The following PRH1 variants were observed in gnomAD, a reference collection of about 807,000 sequenced individuals.
PRH1 encodes the protein salivary acidic proline-rich phosphoprotein 1/2.
Under a neutral mutation model 7.9 loss-of-function variants are expected in PRH1, and 7 were observed. That is an observed-to-expected ratio of 0.89 (90% CI 0.50 to 1.67). The LOEUF is 1.67. Ranked by LOEUF, PRH1 falls within the 40% of genes most tolerant of loss-of-function variation. PRH1 has a pLI of 0.00. For missense variants in PRH1, 109 were observed against 223.6 expected (o/e 0.49, Z 3.27); for synonymous variants, 45 against 80.8 (o/e 0.56, Z 2.38).
At chr12:11,044,519 AG>A (rs756094474) in intron 1 of PRH1, among the ~76,000 whole-genome samples, 8 of 152,156 alleles carry the variant, frequency 5.3e-5, no homozygotes, top group Non-Finnish European at 1.0e-4. Context: ...ACAGAATGGG[AG>A]AAAATATTTG....
chr12:10,909,673 A>G (rs1378858879), intron 2 of PRH1: 2 of 190,808 alleles, frequency 1.0e-5, no homozygotes, highest in Non-Finnish European at 2.1e-5. Flanking sequence ...CTGAGCATAG[A>G]AAATTAGATT....
intron 1 of PRH1, among the ~76,000 whole-genome samples, chr12:10,987,522 T>C (rs1038309365): frequency 1.3e-5 from 2 of 151,590 alleles, no homozygotes; most frequent in East Asian, 3.9e-4. Context: ...ACCATGTTCA[T>C]AAATAGATAC....
intron 2 of PRH1, among the ~76,000 whole-genome samples, chr12:10,960,658 C>T (rs1459627168): frequency 6.6e-6 from 1 of 152,176 alleles, no homozygotes; most frequent in Admixed American, 6.5e-5. Flanking sequence ...ATCATGCTAA[C>T]TCAATATATT....
intron 2 of PRH1, among the ~76,000 whole-genome samples, chr12:10,920,070 T>A (rs1181263922): frequency 1.3e-5 from 2 of 152,056 alleles, no homozygotes; most frequent in Middle Eastern, 3.2e-3. Context: ...ACTTTTTTGA[T>A]GCTTTTAGAG....
At chr12:11,066,816 T>C (rs1432410698) in intron 1 of PRH1, among the ~76,000 whole-genome samples, 2 of 151,786 alleles carry the variant, frequency 1.3e-5, no homozygotes, top group East Asian at 1.9e-4. Context: ...TAGAGAAGTA[T>C]CCTCATGTGG....
At chr12:10,933,115 A>G (rs1277023629) in intron 2 of PRH1, among the ~76,000 whole-genome samples, 1 of 152,160 alleles carries the variant, frequency 6.6e-6, no homozygotes. Context: ...GGAAACAGAT[A>G]ATCTTCAGAG....
At chr12:11,141,592 A>C (rs7298544) in intron 1 of PRH1, among the ~76,000 whole-genome samples, 69,181 of 151,986 alleles carry the variant, frequency 0.46, 16,541 homozygotes, top group Non-Finnish European at 0.53. Context: ...CAACTACTCT[A>C]TGCCTTGGTA....
chr12:11,139,262 A>T lies in PRH1; in HGVS notation n.40-18082T>A, dbSNP rs555326404. The stretch of plus-strand genomic sequence containing the variant: ...ATAAAACCTAAAAACAGTAAGAAAA[A>T]ATTATAACATTAACATTGATGTTAC... On this transcript the variant is annotated intron_variant and non_coding_transcript_variant, in intron 1 of 1. Coordinates refer to the PRH1 transcript ENST00000541175. Among the ~76,000 whole-genome samples the T allele has an allele frequency of 1.2e-4, 18 of 152,276 alleles. No individual in the cohort carries two copies. In the South Asian group the frequency reaches 3.7e-3, roughly 32 times the overall value.
At chr12:11,132,354 CG>C (rs1946376840) in intron 1 of PRH1, among the ~76,000 whole-genome samples, 1 of 145,794 alleles carries the variant, frequency 6.9e-6, no homozygotes, top group African/African-American at 2.6e-5. Context: ...TTTTAGAAAA[CG>C]GAAGACTGGA....
At chr12:10,930,004 A>C (rs1374111296) in intron 2 of PRH1, among the ~76,000 whole-genome samples, 1 of 152,208 alleles carries the variant, frequency 6.6e-6, no homozygotes, top group Non-Finnish European at 1.5e-5. Context: ...AGAGCCCTTT[A>C]ACTAAATAAG....
In PRH1 at chr12:11,079,710, G is replaced by T. The variant is rs1387316399; in HGVS notation, n.124-32522C>A. Among the ~76,000 whole-genome samples the T allele has an allele frequency of 1.7e-5, 2 of 117,442 alleles. 1 individual carries two copies. The highest frequency in any genetic ancestry group is 4.0e-5 in the Non-Finnish European group (2 of 49,466). The allele number at this position is 117,442 out of a possible 152,430, so 77.0% of individuals were successfully genotyped here. On this transcript the variant is annotated intron_variant and non_coding_transcript_variant, in intron 1 of 4. Transcript: ENST00000541977. ...TGTCAAAGTTTTGTCACATGAAGTGGATAATTAAACCTAAAAGAAAAACCT... is the reference window on the plus strand; with the variant it reads ...TGTCAAAGTTTTGTCACATGAAGTGTATAATTAAACCTAAAAGAAAAACCT...
chr12:10,953,930 C>T (rs1031757244), intron 2 of PRH1, among the ~76,000 whole-genome samples: 1 of 152,174 alleles, frequency 6.6e-6, no homozygotes, highest in Non-Finnish European at 1.5e-5. Flanking sequence ...AGAAACTCTA[C>T]AACCAGGAAG....
intron 1 of PRH1, chr12:11,091,720 A>C (rs116243872): frequency 0.023 from 29,656 of 1,280,770 alleles, 7,656 homozygotes; most frequent in Middle Eastern, 0.04. Context: ...AGTACATTGC[A>C]CTCTTCAATT....
Position 10,884,022 on chromosome 12 carries a change from G to A in PRH1, c.64+132C>T, listed in dbSNP as rs1949451060. ...GGAATGGAGGTACAATAGATCTTCT[G>A]ATCCTCAGCATGAGAACTCTGCAGT... On this transcript the variant is annotated intron_variant, in intron 1 of 3. Coordinates refer to ENST00000543626, the MANE Select transcript of PRH1 (RefSeq NM_001393989.1). 3.8e-6 allele frequency: 4 copies of A among 1,047,096 alleles called. No homozygotes were observed. The African/African-American group carries it at 6.4e-5, about 17-fold the overall frequency. The allele number at this position is 1,047,096 out of a possible 1,614,324, so 64.9% of individuals were successfully genotyped here.
chr12:10,925,975 C>T (rs1950117325), intron 2 of PRH1, among the ~76,000 whole-genome samples: 1 of 152,110 alleles, frequency 6.6e-6, no homozygotes, highest in South Asian at 2.1e-4. Flanking sequence ...TTAAGTGGAA[C>T]ATAGTAAATG....
At chr12:11,030,512 T>G in intron 1 of PRH1, 1 of 1,614,232 alleles carries the variant, frequency 6.2e-7, no homozygotes, top group Non-Finnish European at 8.5e-7. Context: ...GATGAATGGG[T>G]GGATTGAAGG....
chr12:11,027,489 T>C (rs1342649663), intron 1 of PRH1, among the ~76,000 whole-genome samples: 2 of 152,228 alleles, frequency 1.3e-5, no homozygotes, highest in Non-Finnish European at 2.9e-5. Context: ...GTATATGGCA[T>C]GTTGCTCTCT....
At chr12:11,150,640 A>G (rs1243713505) in intron 1 of PRH1, among the ~76,000 whole-genome samples, 1 of 152,068 alleles carries the variant, frequency 6.6e-6, no homozygotes, top group Non-Finnish European at 1.5e-5. Flanking sequence ...TGGACACAGG[A>G]AGGGGAACAT....
intron 1 of PRH1, among the ~76,000 whole-genome samples, chr12:11,071,226 C>T (rs1414781678): frequency 6.6e-6 from 1 of 151,466 alleles, no homozygotes; most frequent in Non-Finnish European, 1.5e-5. Context: ...CCAGGCTCTG[C>T]TCCACTCTAG....
Sources: gnomAD v4.1 joint callset for allele counts (sites outside exome capture counted in the v4.1 genomes callset) on GRCh38, gnomAD v4.1.1 for gene constraint, MANE v1.5 for transcripts, NCBI Gene and HGNC (gene_info 2026-07-23, HGNC 2026-07-21) for gene names.